Variants in DOCK7 observed in about 807,000 individuals in gnomAD.
DOCK7 encodes the protein dedicator of cytokinesis protein 7.
In DOCK7, 138 loss-of-function variants were observed where a neutral mutation model predicts 271.0. The observed-to-expected ratio is 0.51, with a 90% CI of 0.44 to 0.59. DOCK7 has a LOEUF of 0.59. Ranked by LOEUF, DOCK7 falls within the 20% of genes least tolerant of loss-of-function variation. The pLI is 0.00. For missense variants in DOCK7, 2,066 were observed against 2,592.4 expected, an observed-to-expected ratio of 0.80 and a Z score of 4.41; for synonymous variants, 823 against 876.1, an observed-to-expected ratio of 0.94 and a Z score of 1.07.
intron 1 of DOCK7, among the ~76,000 whole-genome samples, chr1:62,672,117 G>T (rs1184689901): frequency 6.6e-6 from 1 of 152,044 alleles, no homozygotes; most frequent in Non-Finnish European, 1.5e-5. Flanking sequence ...CCAATCCCCA[G>T]TCTTATTCCC....
intron 12 of DOCK7, among the ~76,000 whole-genome samples, chr1:62,620,329 A>AG (rs1273037936): frequency 1.3e-5 from 2 of 151,634 alleles, no homozygotes; most frequent in African/African-American, 4.8e-5. Flanking sequence ...ATAAAAATAA[A>AG]TAAATAAATA....
chr1:62,683,291 G>C (rs1477539367), intron 1 of DOCK7, among the ~76,000 whole-genome samples: 1 of 152,168 alleles, frequency 6.6e-6, no homozygotes. Context: ...AGATAAAACA[G>C]GCAGCACGGA....
intron 35 of DOCK7, among the ~76,000 whole-genome samples, chr1:62,506,982 A>AAAT (rs750681684): frequency 1.3e-5 from 2 of 151,028 alleles, no homozygotes; most frequent in Admixed American, 6.6e-5. Context: ...ATAAATAAAT[A>AAAT]AAATAGAGTA....
intron 2 of DOCK7, among the ~76,000 whole-genome samples, chr1:62,660,429 T>C (rs1328351780): frequency 1.3e-5 from 2 of 152,224 alleles, no homozygotes; most frequent in African/African-American, 4.8e-5. Flanking sequence ...ATAAGTGAGA[T>C]ACCACTTGGT....
chr1:62,596,297 C>T (rs1242035680), intron 14 of DOCK7, among the ~76,000 whole-genome samples: 5 of 152,038 alleles, frequency 3.3e-5, no homozygotes, highest in East Asian at 1.9e-4. Flanking sequence ...CAGCTAGAGC[C>T]GGCTTTTGGA....
intron 15 of DOCK7, among the ~76,000 whole-genome samples, chr1:62,585,037 CT>C (rs1192743712): frequency 6.6e-6 from 1 of 152,034 alleles, no homozygotes; most frequent in Admixed American, 6.6e-5. Context: ...AATCTAGTAT[CT>C]TTTCATCAAC....
Position 62,475,267 on chromosome 1 carries a change from C to T in DOCK7, c.6046G>A (p.Ala2016Thr), listed in dbSNP as rs770818622. Residue 2016 changes from alanine to threonine, a missense_variant, in exon 47 of 50, where the codon GCA becomes ACA. Ala to Thr is a moderately conservative substitution (Grantham distance 58). This residue lies in a region of DOCK7 where 652 missense variants were observed against 922.1 expected (regional missense o/e 0.71). Coordinates refer to ENST00000635253, the MANE Select transcript of DOCK7 (RefSeq NM_001367561.1). ...ELAFATHQDP[A>T]DPKMLQMVLQ... ...ACCATCTGAAGCATTTTGGGGTCTG[C>T]GGGATCCTGATGTGTTGCAAATGCC... 13 of 1,613,850 alleles carry T rather than the reference C, an allele frequency of 8.1e-6. No individual in the cohort carries two copies. The highest frequency in any genetic ancestry group is 1.0e-5 in the Non-Finnish European group (12 of 1,179,922).
intron 14 of DOCK7, among the ~76,000 whole-genome samples, chr1:62,603,533 T>C (rs574639651): frequency 3.9e-4 from 59 of 151,932 alleles, no homozygotes; most frequent in Non-Finnish European, 6.1e-4. Context: ...AGGTTTACAT[T>C]TGAAGAAAGT....
At chr1:62,635,645 C>T (rs985189097) in intron 8 of DOCK7, 3 of 152,002 alleles carry the variant, frequency 2.0e-5, no homozygotes, top group Admixed American at 6.6e-5. Context: ...CCAGCAGTTT[C>T]GAGTTAGCAA....
chr1:62,502,354 C>A (rs1646807588), intron 37 of DOCK7, among the ~76,000 whole-genome samples: 1 of 152,166 alleles, frequency 6.6e-6, no homozygotes, highest in African/African-American at 2.4e-5. Flanking sequence ...AAAAGTCTCC[C>A]TATCACAGTC....
intron 38 of DOCK7, 50 bp downstream of exon 38, chr1:62,496,289 T>TA: frequency 6.3e-7 from 1 of 1,583,996 alleles, no homozygotes; most frequent in Non-Finnish European, 8.5e-7. Flanking sequence ...GGAAAGTGCC[T>TA]ATTTAACAAG....
At chr1:62,551,241 C>T (rs1163257527) in intron 22 of DOCK7, among the ~76,000 whole-genome samples, 1 of 151,306 alleles carries the variant, frequency 6.6e-6, no homozygotes, top group Non-Finnish European at 1.5e-5. Flanking sequence ...TTGGTAATGA[C>T]AAGATTGCAG....
intron 34 of DOCK7, among the ~76,000 whole-genome samples, chr1:62,509,382 T>C (rs1467379422): frequency 4.0e-5 from 6 of 150,382 alleles, no homozygotes; most frequent in African/African-American, 1.5e-4. Context: ...ATGTTCAAAC[T>C]TAAAATTTCC....
chr1:62,591,017 C>T (rs964009976), intron 14 of DOCK7, among the ~76,000 whole-genome samples: 1 of 152,076 alleles, frequency 6.6e-6, no homozygotes, highest in South Asian at 2.1e-4. Flanking sequence ...ATAAATCATG[C>T]TACTATAAAG....
chr1:62,549,467 A>C (rs1167646962), intron 22 of DOCK7, among the ~76,000 whole-genome samples: 7 of 152,340 alleles, frequency 4.6e-5, no homozygotes, highest in African/African-American at 1.7e-4. Flanking sequence ...GTAAGGTAGC[A>C]GTTGAAATAC....
chr1:62,626,463 A>G (rs1160024579), intron 11 of DOCK7, among the ~76,000 whole-genome samples: 1 of 151,924 alleles, frequency 6.6e-6, no homozygotes, highest in Non-Finnish European at 1.5e-5. Flanking sequence ...AAAAAGATAA[A>G]CCCGACAAAT....
At chr1:62,605,061 T>C (rs1356610885) in intron 14 of DOCK7, 10 of 429,810 alleles carry the variant, frequency 2.3e-5, no homozygotes, top group Non-Finnish European at 4.2e-5. Flanking sequence ...GAATCAATTT[T>C]AGATGGTCAC....
intron 18 of DOCK7, among the ~76,000 whole-genome samples, chr1:62,571,445 C>T (rs1379628685): frequency 6.6e-6 from 1 of 152,162 alleles, no homozygotes; most frequent in Non-Finnish European, 1.5e-5. Context: ...CACTTTTACA[C>T]TGTTGGTGGG....
chr1:62,494,647 T>C, intron 39 of DOCK7, 180 bp from the exon 40 acceptor site: 1 of 352,658 alleles, frequency 2.8e-6, no homozygotes, highest in Non-Finnish European at 5.0e-6. Flanking sequence ...GCCTATGGAA[T>C]GGATAATATC....
Sources: allele counts gnomAD v4.1 joint callset (sites outside exome capture counted in the v4.1 genomes callset), GRCh38; gene constraint gnomAD v4.1.1; regional missense constraint gnomAD v4.1.1; transcripts MANE v1.5; gene names NCBI Gene and HGNC (gene_info 2026-07-23, HGNC 2026-07-21).